EYS: variants seen among roughly 807,000 people sequenced by gnomAD.
The protein encoded by EYS is EGF-like photoreceptor maintenance factor, also known as protein eyes shut homolog.
A neutral mutation model predicts 282.1 loss-of-function variants in EYS; 250 were observed. The observed-to-expected ratio is 0.89, with a 90% CI of 0.80 to 0.98. The LOEUF (loss-of-function observed/expected upper bound fraction) is 0.98, where lower values mean the gene tolerates loss of function less well. Ranked by LOEUF, EYS falls within the 50% of genes least tolerant of loss-of-function variation. The pLI, the probability that EYS is intolerant of heterozygous loss-of-function variation, is 0.00. For missense variants in EYS, 4,016 were observed against 3,709.0 expected (o/e 1.08, Z -2.15); for synonymous variants, 1,355 against 1,282.9 (o/e 1.06, Z -1.20).
intron 31 of EYS, among the ~76,000 whole-genome samples, chr6:64,150,664 T>C (rs1473450942): frequency 1.3e-5 from 2 of 152,042 alleles, no homozygotes; most frequent in African/African-American, 4.8e-5. Flanking sequence ...CCAAAATATA[T>C]AGCAAGGTAT....
At position 64,979,506 on chromosome 6, in the gene EYS, T is replaced by C. The variant is rs139862344; in HGVS notation, c.2259+18076A>G. ...TAATAGCATAATTCTGACTGGGAAT[T>C]ACACTTTGCACTACTTTTCTTTGTC... On this transcript the variant is annotated intron_variant, in intron 14 of 42. Transcript: ENST00000503581. 3.1e-3 allele frequency among the ~76,000 whole-genome samples: 478 copies of C among 151,748 alleles called. 3 individuals are homozygous for C. The highest frequency in any genetic ancestry group is 3.7e-3 in the Non-Finnish European group (251 of 67,714).
chr6:64,730,590 T>G (rs1311873928), intron 22 of EYS, among the ~76,000 whole-genome samples: 1 of 152,138 alleles, frequency 6.6e-6, no homozygotes, highest in African/African-American at 2.4e-5. Context: ...GCAATTCTCC[T>G]GCCTCAGCCT....
intron 35 of EYS, among the ~76,000 whole-genome samples, chr6:63,887,310 A>AG (rs1267337768): frequency 1.7e-5 from 2 of 117,684 alleles, no homozygotes; most frequent in Non-Finnish European, 3.4e-5. Flanking sequence ...GAGGAATAAA[A>AG]GGTGTTTTTT....
intron 5 of EYS, among the ~76,000 whole-genome samples, chr6:65,463,672 T>C (rs981360107): frequency 2.0e-5 from 3 of 152,170 alleles, no homozygotes; most frequent in Non-Finnish European, 4.4e-5. Flanking sequence ...AAAAGTATGG[T>C]TTGTCTCCTT....
intron 1 of EYS, among the ~76,000 whole-genome samples, chr6:65,646,980 A>C (rs948917768): frequency 2.6e-5 from 4 of 152,200 alleles, no homozygotes; most frequent in Non-Finnish European, 1.5e-5. Context: ...CTCTGCAAGG[A>C]AAACTACAAA....
chr6:65,339,583 T>C (rs1169836822), intron 10 of EYS, among the ~76,000 whole-genome samples: 1 of 151,238 alleles, frequency 6.6e-6, no homozygotes, highest in African/African-American at 2.4e-5. Flanking sequence ...CAGGGTTTGG[T>C]ACTATTCACA....
At chr6:65,607,640 T>C (rs1765845840) in intron 2 of EYS, among the ~76,000 whole-genome samples, 1 of 58,792 alleles carries the variant, frequency 1.7e-5, no homozygotes, top group Non-Finnish European at 3.6e-5. Context: ...CCTTCAAATA[T>C]GCAGTTATCT....
chr6:64,612,783 TC>T (rs1767154082), intron 24 of EYS, among the ~76,000 whole-genome samples: 3 of 152,124 alleles, frequency 2.0e-5, no homozygotes, highest in Admixed American at 2.0e-4. Context: ...GTAATATTAA[TC>T]CTATCTAATC....
chr6:65,320,964 T>G (rs1769458508), intron 11 of EYS, among the ~76,000 whole-genome samples: 1 of 152,214 alleles, frequency 6.6e-6, no homozygotes, highest in Non-Finnish European at 1.5e-5. Context: ...ACAACCTGAC[T>G]TCTCCCTCTG....
chr6:64,062,691 CAAA>C (rs1023609648), intron 33 of EYS, among the ~76,000 whole-genome samples: 5 of 58,958 alleles, frequency 8.5e-5, no homozygotes, highest in Non-Finnish European at 1.1e-4. Flanking sequence ...AACTCCAACT[CAAA>C]AAAAAAAAAA....
At chr6:64,210,905 C>T (rs949647936) in intron 31 of EYS, among the ~76,000 whole-genome samples, 1 of 152,168 alleles carries the variant, frequency 6.6e-6, no homozygotes, top group East Asian at 1.9e-4. Context: ...CCTACTGGAG[C>T]TGATACACCC....
At chr6:64,613,107 C>T (rs1158320798) in intron 24 of EYS, among the ~76,000 whole-genome samples, 2 of 152,110 alleles carry the variant, frequency 1.3e-5, no homozygotes, top group African/African-American at 2.4e-5. Context: ...GCATGTGCTA[C>T]TGTATCAGCT....
At chr6:65,331,280 T>C (rs1457448037) in intron 11 of EYS, 1 of 636,298 alleles carries the variant, frequency 1.6e-6, no homozygotes, top group African/African-American at 1.9e-5. Flanking sequence ...ACTCCATGCA[T>C]TATATTTCCA....
At chr6:64,798,888 A>G (rs1706552407) in intron 22 of EYS, among the ~76,000 whole-genome samples, 1 of 151,888 alleles carries the variant, frequency 6.6e-6, no homozygotes, top group South Asian at 2.1e-4. Flanking sequence ...TTTTATTTTT[A>G]CCTTCCAAAT....
intron 33 of EYS, among the ~76,000 whole-genome samples, chr6:64,063,234 C>T (rs934552622): frequency 2.6e-5 from 4 of 152,142 alleles, no homozygotes; most frequent in African/African-American, 4.8e-5. Context: ...CAACCAGATC[C>T]CTTCTCTGAC....
At chr6:64,366,452 T>C (rs1417542936) in intron 29 of EYS, among the ~76,000 whole-genome samples, 2 of 152,018 alleles carry the variant, frequency 1.3e-5, no homozygotes, top group Non-Finnish European at 1.5e-5. Context: ...TGTAAGCAAA[T>C]AAATTTTATC....
chr6:64,794,940 A>C (rs1390767949), intron 22 of EYS, among the ~76,000 whole-genome samples: 1 of 152,178 alleles, frequency 6.6e-6, no homozygotes, highest in African/African-American at 2.4e-5. Flanking sequence ...CAGGGATAGA[A>C]ATAGACATTA....
intron 5 of EYS, among the ~76,000 whole-genome samples, chr6:65,425,760 C>A (rs1355406448): frequency 6.6e-6 from 1 of 152,064 alleles, no homozygotes; most frequent in East Asian, 1.9e-4. Context: ...TCTTTTAAAG[C>A]ATTTTCATCT....
chr6:64,310,078 A>AAAAAAAAAAAAAAAC (rs1554142131), intron 29 of EYS, among the ~76,000 whole-genome samples: 5 of 145,188 alleles, frequency 3.4e-5, no homozygotes, highest in African/African-American at 1.3e-4. Context: ...ATAAAAAAAA[A>AAAAAAAAAAAAAAAC]AATAACAGAT....
Sources: allele counts gnomAD v4.1 joint callset (sites outside exome capture counted in the v4.1 genomes callset), GRCh38; gene constraint gnomAD v4.1.1; transcripts MANE v1.5; gene names NCBI Gene and HGNC (gene_info 2026-07-23, HGNC 2026-07-21).